The following CIB4 variants were observed in gnomAD, a reference collection of about 807,000 sequenced individuals.
CIB4 encodes calcium and integrin-binding family member 4.
Under a neutral mutation model 25.8 loss-of-function variants are expected in CIB4, and 25 were observed. The ratio of observed to expected loss-of-function variants is 0.97; its 90% CI spans 0.71 to 1.35. CIB4 has a LOEUF of 1.35. Ranked by LOEUF, CIB4 falls within the 40% of genes most tolerant of loss-of-function variation. CIB4 has a pLI of 0.00. For missense variants in CIB4, 235 were observed against 228.2 expected, an observed-to-expected ratio of 1.03 and a Z score of -0.19; for synonymous variants, 75 against 81.4, an observed-to-expected ratio of 0.92 and a Z score of 0.42.
intron 4 of CIB4, among the ~76,000 whole-genome samples, chr2:26,589,754 G>A (rs1356475415): frequency 6.6e-6 from 1 of 152,200 alleles, no homozygotes; most frequent in East Asian, 1.9e-4. Context: ...GCAGCTATGG[G>A]TAGCCAGGTG....
In CIB4 at chr2:26,615,416, G is replaced by T. The variant is rs554411722; in HGVS notation, c.186+13994C>A. Among the ~76,000 whole-genome samples, 215 of 152,282 alleles carry T rather than the reference G, an allele frequency of 1.4e-3. 2 individuals carry two copies. The highest frequency in any genetic ancestry group is 2.2e-3 in the Admixed American group (34 of 15,304). ...CCTCCCAGGATGCCCTGGGAGAGCG[G>T]CTGCCATCCCTACAGGCTCCCTTCA... On this transcript the variant is annotated intron_variant, in intron 3 of 6. Transcript: ENST00000288861.
intron 4 of CIB4, among the ~76,000 whole-genome samples, chr2:26,592,226 C>T (rs1223098706): frequency 1.3e-5 from 2 of 152,244 alleles, no homozygotes; most frequent in Non-Finnish European, 2.9e-5. Flanking sequence ...GGCATCTTCC[C>T]AGAGGAGCGA....
intron 2 of CIB4, among the ~76,000 whole-genome samples, chr2:26,631,807 T>G (rs938447202): frequency 2.0e-5 from 3 of 152,004 alleles, no homozygotes; most frequent in South Asian, 4.2e-4. Flanking sequence ...GAGGGATGGG[T>G]GGGGATTTAT....
At chr2:26,594,522 T>C (rs781160802) in intron 4 of CIB4, among the ~76,000 whole-genome samples, 7 of 152,198 alleles carry the variant, frequency 4.6e-5, no homozygotes, top group Non-Finnish European at 1.0e-4. Flanking sequence ...GCAAGTCCTT[T>C]GGGGCCAAAA....
At chr2:26,604,788 T>A (rs975508288) in intron 3 of CIB4, among the ~76,000 whole-genome samples, 3 of 152,192 alleles carry the variant, frequency 2.0e-5, no homozygotes, top group African/African-American at 7.2e-5. Flanking sequence ...GTTTTTCCCC[T>A]CATTTTGAAT....
intron 3 of CIB4, among the ~76,000 whole-genome samples, chr2:26,612,280 C>T (rs1352258199): frequency 6.6e-6 from 1 of 152,194 alleles, no homozygotes; most frequent in Non-Finnish European, 1.5e-5. Context: ...GCTCAGAGCT[C>T]AATAAGAACG....
intron 5 of CIB4, among the ~76,000 whole-genome samples, chr2:26,583,172 C>T (rs924093194): frequency 3.3e-5 from 5 of 152,174 alleles, no homozygotes; most frequent in African/African-American, 1.2e-4. Context: ...CCCACCTGCC[C>T]CACCAACCAG....
chr2:26,613,829 T>C (rs1447826382), intron 3 of CIB4, among the ~76,000 whole-genome samples: 1 of 152,224 alleles, frequency 6.6e-6, no homozygotes, highest in Non-Finnish European at 1.5e-5. Context: ...CAGGTCTCTC[T>C]GTAGTCGGGC....
chr2:26,600,002 G>A (rs1668751683), intron 3 of CIB4, among the ~76,000 whole-genome samples: 1 of 144,522 alleles, frequency 6.9e-6, no homozygotes, highest in Non-Finnish European at 1.5e-5. Context: ...GAACCCAGGA[G>A]GCAGAGGTTG....
chr2:26,619,905 AC>A (rs1669170382), intron 3 of CIB4, among the ~76,000 whole-genome samples: 2 of 150,542 alleles, frequency 1.3e-5, no homozygotes, highest in Admixed American at 1.3e-4. Context: ...AGGTGACACC[AC>A]CCCGATCTCC....
chr2:26,630,289 C>G (rs1669392603), intron 2 of CIB4, among the ~76,000 whole-genome samples: 1 of 152,196 alleles, frequency 6.6e-6, no homozygotes, highest in Non-Finnish European at 1.5e-5. Flanking sequence ...TCCCTGTCCA[C>G]CAGCAAGCTC....
intron 4 of CIB4, among the ~76,000 whole-genome samples, chr2:26,587,347 A>G (rs1384808263): frequency 7.0e-5 from 10 of 143,602 alleles, no homozygotes; most frequent in Middle Eastern, 3.6e-3. Context: ...ATGGGTAACT[A>G]TCTCTTGACT....
chr2:26,612,750 G>A (rs577202646), intron 3 of CIB4, among the ~76,000 whole-genome samples: 10 of 152,200 alleles, frequency 6.6e-5, no homozygotes, highest in African/African-American at 9.7e-5. Context: ...CAAGAGCCCT[G>A]CCAGCTGCTC....
intron 3 of CIB4, among the ~76,000 whole-genome samples, chr2:26,596,639 C>G (rs570978615): frequency 2.6e-5 from 4 of 151,590 alleles, no homozygotes; most frequent in African/African-American, 4.8e-5. Context: ...CCCAGCTACT[C>G]GGGAGGCTGA....
chr2:26,583,917 G>C lies in CIB4; in HGVS notation c.329-19C>G. Reference sequence around the variant, plus strand: ...TTAAAATCTGCAAAGAAGAGGCCAGGCCTGCATTAGACGGAGCTGGGGGCT... The same window carrying C: ...TTAAAATCTGCAAAGAAGAGGCCAGCCCTGCATTAGACGGAGCTGGGGGCT... On this transcript the variant is annotated intron_variant, in intron 4 of 6. Transcript: ENST00000288861. 1 of 1,498,770 alleles carries C rather than the reference G, an allele frequency of 6.7e-7. No homozygotes were observed. The highest frequency in any genetic ancestry group is 9.3e-7 in the Non-Finnish European group (1 of 1,074,880). 92.8% of individuals were successfully genotyped at this position (1,498,770 alleles called of 1,614,324 possible). A position where few individuals can be genotyped will look rare whatever the true frequency, so the allele number is the denominator to read the frequency against.
At chr2:26,635,390 A>C (rs1361095403) in intron 2 of CIB4, among the ~76,000 whole-genome samples, 5 of 152,170 alleles carry the variant, frequency 3.3e-5, no homozygotes, top group Non-Finnish European at 5.9e-5. Context: ...AAAGGTGGGA[A>C]AATATTGGAC....
intron 3 of CIB4, among the ~76,000 whole-genome samples, chr2:26,628,719 C>T (rs1025124305): frequency 2.0e-5 from 3 of 152,284 alleles, no homozygotes; most frequent in East Asian, 3.9e-4. Context: ...AGTCTCTGGG[C>T]CCCGAGCCCT....
chr2:26,605,598 T>G, intron 3 of CIB4: 2 of 470,318 alleles, frequency 4.3e-6, no homozygotes, highest in Non-Finnish European at 8.8e-6. Context: ...GAACCAGGAT[T>G]CACCCTTCAG....
At chr2:26,617,025 C>G (rs1360013591) in intron 3 of CIB4, among the ~76,000 whole-genome samples, 2 of 152,134 alleles carry the variant, frequency 1.3e-5, no homozygotes, top group Non-Finnish European at 2.9e-5. Flanking sequence ...CATGGTCACT[C>G]CCAGCCTCCC....
Sources: gnomAD v4.1 joint callset for allele counts (sites outside exome capture counted in the v4.1 genomes callset) on GRCh38, gnomAD v4.1.1 for gene constraint, MANE v1.5 for transcripts, NCBI Gene and HGNC (gene_info 2026-07-23, HGNC 2026-07-21) for gene names.